WDR59: variants seen among roughly 807,000 people sequenced by gnomAD.
WDR59 encodes GATOR2 complex protein WDR59.
A neutral mutation model predicts 131.2 loss-of-function variants in WDR59; 100 were observed. The ratio of observed to expected loss-of-function variants is 0.76; its 90% CI spans 0.65 to 0.90. The LOEUF (loss-of-function observed/expected upper bound fraction) is 0.90, where lower values mean the gene tolerates loss of function less well. Among genes scored for constraint, WDR59 ranks in the 40% least tolerant of loss-of-function variants. The pLI is 0.00. For missense variants in WDR59, 1,203 were observed against 1,262.2 expected (o/e 0.95, Z 0.71); for synonymous variants, 601 against 466.2 (o/e 1.29, Z -3.72).
chr16:74,953,489 A>AG lies in WDR59; in HGVS notation c.241-1947dup, dbSNP rs2033120696. Among the ~76,000 whole-genome samples, 5 of 149,132 alleles carry AG rather than the reference A, an allele frequency of 3.4e-5. No individual in the cohort carries two copies. The South Asian group carries it at 1.1e-3, about 32-fold the overall frequency. On this transcript the variant is annotated intron_variant, in intron 3 of 25. Transcript: ENST00000262144. ...CTCCGTCTCAAAAAAAAAAAAAAAA[A>AG]GTTGCCTTCCAACCAAGAACAAAAG... is the stretch of plus-strand genomic sequence containing the variant.
intron 14 of WDR59, among the ~76,000 whole-genome samples, chr16:74,910,825 T>C (rs1455952382): frequency 6.6e-6 from 1 of 151,976 alleles, no homozygotes; most frequent in East Asian, 1.9e-4. Context: ...CAGGCTGGAG[T>C]GCAATGGCAT....
At chr16:74,967,383 A>C (rs573392828) in intron 1 of WDR59, among the ~76,000 whole-genome samples, 10 of 152,136 alleles carry the variant, frequency 6.6e-5, no homozygotes, top group African/African-American at 1.4e-4. Flanking sequence ...GGTTCCTCTA[A>C]CAAGATCTGT....
At chr16:74,903,673 GGAGTGGAGATTAC>G (rs60795709) in intron 18 of WDR59, among the ~76,000 whole-genome samples, 63,694 of 151,366 alleles carry the variant, frequency 0.42, 14,502 homozygotes, top group African/African-American at 0.61. Flanking sequence ...ATCAACTCAG[GGAGTGGAGATTAC>G]GAGTGGAGAT....
chr16:74,879,133 G>A (rs1169793919), intron 25 of WDR59, among the ~76,000 whole-genome samples: 1 of 151,964 alleles, frequency 6.6e-6, no homozygotes, highest in East Asian at 1.9e-4. Context: ...TGGGGGTATC[G>A]CTTGAGCCCA....
intron 7 of WDR59, among the ~76,000 whole-genome samples, chr16:74,939,687 G>A (rs1299675611): frequency 6.6e-6 from 1 of 152,106 alleles, no homozygotes; most frequent in Non-Finnish European, 1.5e-5. Context: ...TAGTCTATGA[G>A]GATAAGAGTG....
At chr16:74,950,852 C>A (rs1346606574) in intron 4 of WDR59, among the ~76,000 whole-genome samples, 2 of 152,024 alleles carry the variant, frequency 1.3e-5, no homozygotes, top group African/African-American at 2.4e-5. Context: ...CCACTCCTCT[C>A]CTATGTTGAA....
chr16:74,976,440 CTTTTT>C (rs763009590), intron 1 of WDR59, among the ~76,000 whole-genome samples: 19 of 137,450 alleles, frequency 1.4e-4, no homozygotes, highest in African/African-American at 5.0e-4. Context: ...TTTTTCTTTT[CTTTTT>C]TTTTTTTTTT....
intron 6 of WDR59, among the ~76,000 whole-genome samples, chr16:74,943,408 T>G (rs879784048): frequency 6.6e-6 from 1 of 152,072 alleles, no homozygotes; most frequent in Non-Finnish European, 1.5e-5. Flanking sequence ...GGCACCACAC[T>G]GATAAGGGAA....
intron 1 of WDR59, among the ~76,000 whole-genome samples, chr16:74,969,025 C>T (rs983657030): frequency 2.0e-5 from 3 of 152,138 alleles, no homozygotes; most frequent in African/African-American, 7.2e-5. Context: ...CAAGCCCTCT[C>T]CACCCTCAGC....
chr16:74,908,613 TAATA>T (rs1965932874), intron 17 of WDR59: 1 of 282,236 alleles, frequency 3.5e-6, no homozygotes, highest in Non-Finnish European at 6.5e-6. Flanking sequence ...TAAAAACAAA[TAATA>T]AATAATATGC....
intron 17 of WDR59, among the ~76,000 whole-genome samples, chr16:74,906,227 T>C (rs1010909860): frequency 7.2e-6 from 1 of 139,856 alleles, no homozygotes; most frequent in Non-Finnish European, 1.5e-5. Context: ...GGCAGGAGAA[T>C]GGCGTGAACC....
At position 74,938,353 on chromosome 16, in the gene WDR59, G is replaced by C. The variant is rs540540875; in HGVS notation, c.535-87C>G. The stretch of plus-strand genomic sequence containing the variant: ...TAAAAGTCTGCTAGGTAGTGAGTGA[G>C]GATGCAAAAATACTACCAGATACTG... On this transcript the variant is annotated intron_variant, in intron 7 of 25. Coordinates refer to ENST00000262144, the MANE Select transcript of WDR59 (RefSeq NM_030581.4). 1.3e-5 allele frequency: 12 copies of C among 936,818 alleles called. No individual in the cohort carries two copies. The East Asian group carries it at 2.7e-4, about 21-fold the overall frequency. The allele number at this position is 936,818 out of a possible 1,614,324, so 58.0% of individuals were successfully genotyped here. A position where few individuals can be genotyped will look rare whatever the true frequency, so the allele number is the denominator to read the frequency against.
At chr16:74,942,614 G>T (rs1181729818) in intron 7 of WDR59, 124 bp downstream of exon 7, 2 of 858,598 alleles carry the variant, frequency 2.3e-6, no homozygotes, top group East Asian at 2.7e-5. Flanking sequence ...GCTTAAAATG[G>T]TCATTTACCA....
In WDR59 at chr16:74,926,416, T is replaced by C. The variant is rs564049822; in HGVS notation, c.652-2413A>G. 4.6e-5 allele frequency among the ~76,000 whole-genome samples: 7 copies of C among 152,232 alleles called. No homozygotes were observed. The East Asian group carries it at 1.2e-3, about 25-fold the overall frequency. ...AGAAGGGATGAAACAGAAGTAATAT[T>C]TGAAGACAGAATAAAGGTTGAAAAT... is the stretch of plus-strand genomic sequence containing the variant. On this transcript the variant is annotated intron_variant, in intron 8 of 25. Coordinates refer to ENST00000262144, the MANE Select transcript of WDR59 (RefSeq NM_030581.4).
chr16:74,897,787 G>A (rs76511164), intron 18 of WDR59, among the ~76,000 whole-genome samples: 1 of 152,174 alleles, frequency 6.6e-6, no homozygotes, highest in Admixed American at 6.5e-5. Flanking sequence ...ATCTCTAAGG[G>A]GCTGCAAAAT....
chr16:74,939,962 G>C (rs1190371980), intron 7 of WDR59, among the ~76,000 whole-genome samples: 1 of 152,194 alleles, frequency 6.6e-6, no homozygotes, highest in Non-Finnish European at 1.5e-5. Flanking sequence ...TCCAACCTGG[G>C]AGACAGAGGG....
At chr16:74,970,423 G>A (rs1450146721) in intron 1 of WDR59, among the ~76,000 whole-genome samples, 1 of 147,648 alleles carries the variant, frequency 6.8e-6, no homozygotes, top group African/African-American at 2.5e-5. Context: ...ATGAACCCAG[G>A]AGGCGGAGCT....
At chr16:74,909,969 GT>G (rs35006526) in intron 14 of WDR59, 52 bp from the exon 15 acceptor site, 13,634 of 921,272 alleles carry the variant, frequency 0.015, 2 homozygotes, top group South Asian at 0.017. Context: ...TCTCTGATAG[GT>G]TTTTTTTTTT....
chr16:74,956,631 T>C, intron 2 of WDR59, 21 bp from the exon 3 acceptor site: 1 of 1,609,164 alleles, frequency 6.2e-7, no homozygotes, highest in Non-Finnish European at 8.5e-7. Flanking sequence ...ACATCAACAT[T>C]ATAATAGTAT....
Sources: allele counts gnomAD v4.1 joint callset (sites outside exome capture counted in the v4.1 genomes callset), GRCh38; gene constraint gnomAD v4.1.1; transcripts MANE v1.5; gene names NCBI Gene and HGNC (gene_info 2026-07-23, HGNC 2026-07-21).